The following HNRNPA1 variants were observed in gnomAD, a reference collection of about 807,000 sequenced individuals.
HNRNPA1 encodes heterogeneous nuclear ribonucleoprotein A1.
HNRNPA1 carries 7 observed loss-of-function variants against 44.4 expected under a neutral mutation model. The ratio of observed to expected loss-of-function variants is 0.16; its 90% CI spans 0.09 to 0.30. The LOEUF is 0.30. HNRNPA1 is among the 10% of genes least tolerant of loss of function. HNRNPA1 has a pLI of 1.00. For missense variants in HNRNPA1, 193 were observed against 465.8 expected, an observed-to-expected ratio of 0.41 and a Z score of 5.39; for synonymous variants, 169 against 160.6, an observed-to-expected ratio of 1.05 and a Z score of -0.40.
At position 54,285,294 on chromosome 12, in the gene HNRNPA1, C is replaced by A. The variant is rs1186666516; in HGVS notation, c.*750C>A. On this transcript the variant is annotated 3_prime_UTR_variant, in exon 11 of 11. Transcript: ENST00000340913. The stretch of plus-strand genomic sequence containing the variant: ...TGGGACTGGCAGAGATTTGGACTTT[C>A]CCTACCCACTCCCCCTGATAATAAT... The A allele has an allele frequency of 1.3e-5, 2 of 152,294 alleles. No homozygotes were observed. Among genetic ancestry groups the A allele is most frequent in the East Asian group, 3.8e-4 (2 of 5,206 alleles). 9.4% of individuals were successfully genotyped at this position (152,294 alleles called of 1,614,324 possible). A position where few individuals can be genotyped will look rare whatever the true frequency, so the allele number is the denominator to read the frequency against.
Position 54,285,635 on chromosome 12 carries a change from T to C in HNRNPA1, c.*1091T>C, listed in dbSNP as rs997492302. The C allele has an allele frequency of 1.3e-5, 2 of 152,186 alleles. No individual in the cohort carries two copies. The highest frequency in any genetic ancestry group is 2.9e-5 in the Non-Finnish European group (2 of 68,032). The allele number at this position is 152,186 out of a possible 1,614,324, so 9.4% of individuals were successfully genotyped here. On this transcript the variant is annotated 3_prime_UTR_variant, in exon 11 of 11. Coordinates refer to ENST00000340913, the MANE Select transcript of HNRNPA1 (RefSeq NM_031157.4). ...TTTCATGTTAACTGCAGTTTCCCTT[T>C]ATGGCACAAGGGGTCACACAACCTA... is the stretch of plus-strand genomic sequence containing the variant.
In HNRNPA1 at chr12:54,281,258, C is replaced by T; in HGVS notation, c.16-128C>T. On this transcript the variant is annotated intron_variant, in intron 1 of 10. Coordinates refer to ENST00000340913, the MANE Select transcript of HNRNPA1 (RefSeq NM_031157.4). ...CGGCCTCCCTTGATAGGCAGAAGCA[C>T]GTGTCTTGTTGCGACCTGAACGAAC... 13 of 728,978 alleles carry T rather than the reference C, an allele frequency of 1.8e-5. 1 individual carries two copies. The Middle Eastern group carries it at 1.2e-3, about 69-fold the overall frequency. The allele number at this position is 728,978 out of a possible 1,614,324, so 45.2% of individuals were successfully genotyped here. A position where few individuals can be genotyped will look rare whatever the true frequency, so the allele number is the denominator to read the frequency against.
At chr12:54,284,370 C>A in intron 10 of HNRNPA1, 53 bp downstream of exon 10, 1 of 1,413,732 alleles carries the variant, frequency 7.1e-7, no homozygotes, top group Non-Finnish European at 1.0e-6. Flanking sequence ...TGCTGATGAA[C>A]CCAATAACCC....
rs768062002 is a variant in HNRNPA1 at position 54,284,346 on chromosome 12, A to G, written c.*4+29A>G. ...AGTAAGCACCTTTTTGTGTGTTGAC[A>G]TAATTTTTTAAATTGCTGATGAACC... On this transcript the variant is annotated intron_variant, in intron 10 of 10. Coordinates refer to ENST00000340913, the MANE Select transcript of HNRNPA1 (RefSeq NM_031157.4). 6.3e-6 allele frequency: 10 copies of G among 1,596,506 alleles called. No homozygotes were observed. In the African/African-American group the frequency reaches 1.2e-4, roughly 19 times the overall value.
chr12:54,284,080 C>T (rs1173348001), intron 9 of HNRNPA1, 113 bp downstream of exon 9: 2 of 1,365,896 alleles, frequency 1.5e-6, no homozygotes, highest in Non-Finnish European at 2.0e-6. Context: ...AGTTTAGAAC[C>T]TTCAGAAAGT....
At chr12:54,282,325 G>A in intron 4 of HNRNPA1, 25 bp downstream of exon 4, 7 of 1,611,964 alleles carry the variant, frequency 4.3e-6, no homozygotes, top group Non-Finnish European at 5.9e-6. Flanking sequence ...GTGGCATTTA[G>A]TAAGGGTTCC....
chr12:54,281,241 C>T, intron 1 of HNRNPA1, 145 bp from the exon 2 acceptor site: 1 of 721,398 alleles, frequency 1.4e-6, no homozygotes, highest in Non-Finnish European at 2.5e-6. Flanking sequence ...TACGGCCTCC[C>T]TTGATAGGCA....
In HNRNPA1 at chr12:54,280,781, G is replaced by C. The variant is rs758904671; in HGVS notation, c.-27G>C. The C allele has an allele frequency of 9.9e-6, 16 of 1,613,986 alleles. No homozygotes were observed. Among genetic ancestry groups the C allele is most frequent in the Non-Finnish European group, 1.3e-5 (15 of 1,179,982 alleles). On this transcript the variant is annotated 5_prime_UTR_variant, in exon 1 of 11. Coordinates refer to ENST00000340913, the MANE Select transcript of HNRNPA1 (RefSeq NM_031157.4). ...CCGTGGACGCCGCCGAAGAAGCATC[G>C]TTAAAGTCTCTCTTCACCCTGCCGT... is the stretch of plus-strand genomic sequence containing the variant.
In HNRNPA1 at chr12:54,286,823, C is replaced by T. The variant is rs895262572; in HGVS notation, c.*2279C>T. On this transcript the variant is annotated 3_prime_UTR_variant, in exon 11 of 11. Transcript: ENST00000340913. Reference sequence around the variant, plus strand: ...AGCTGTACCTTAAACCAAAACACTTCGTAATCTCATCCAATTGCAAAAAGA... The same window carrying T: ...AGCTGTACCTTAAACCAAAACACTTTGTAATCTCATCCAATTGCAAAAAGA... 3 of 152,182 alleles carry T rather than the reference C, an allele frequency of 2.0e-5. No homozygotes were observed. Among genetic ancestry groups the T allele is most frequent in the African/African-American group, 4.8e-5 (2 of 41,436 alleles). The allele number at this position is 152,182 out of a possible 1,614,324, so 9.4% of individuals were successfully genotyped here. A position where few individuals can be genotyped will look rare whatever the true frequency, so the allele number is the denominator to read the frequency against.
chr12:54,284,251 T>C lies in HNRNPA1; in HGVS notation c.1064-7T>C, dbSNP rs1565881864. The C allele has an allele frequency of 2.5e-6, 4 of 1,613,044 alleles. No homozygotes were observed. Among genetic ancestry groups the C allele is most frequent in the Non-Finnish European group, 3.4e-6 (4 of 1,179,682 alleles). ...TGAAACTTTAAAAGAAAAATTGTAC[T>C]TTTCAGGTGGCTATGGCGGTTCCAG... On this transcript the variant is annotated splice_polypyrimidine_tract_variant and splice_region_variant and intron_variant, in intron 9 of 10. Coordinates refer to ENST00000340913, the MANE Select transcript of HNRNPA1 (RefSeq NM_031157.4).
At chr12:54,284,152 G>GA in intron 9 of HNRNPA1, 106 bp from the exon 10 acceptor site, 1 of 1,309,434 alleles carries the variant, frequency 7.6e-7, no homozygotes, top group East Asian at 2.4e-5. Context: ...TTGTAGTAGG[G>GA]CCATTTTTAA....
At chr12:54,283,756 T>C in intron 8 of HNRNPA1, 56 bp from the exon 9 acceptor site, 2 of 1,543,816 alleles carry the variant, frequency 1.3e-6, no homozygotes, top group Non-Finnish European at 1.8e-6. Flanking sequence ...CTAAACAGAA[T>C]TGGAAACTAA....
At chr12:54,281,623 A>G in intron 2 of HNRNPA1, 121 bp downstream of exon 2, 2 of 1,011,470 alleles carry the variant, frequency 2.0e-6, no homozygotes, top group Non-Finnish European at 3.0e-6. Flanking sequence ...TTGTTGGCAA[A>G]GGAACGTCCT....
chr12:54,281,950 G>GTT lies in HNRNPA1; in HGVS notation c.279+16_279+17dup. The stretch of plus-strand genomic sequence containing the variant: ...GAGCTGTCTCCAGAGAAGTGAGTGG[G>GTT]TTTTTTTTCTTCTTCTTCTTAAACT... On this transcript the variant is annotated intron_variant, in intron 3 of 10. Transcript: ENST00000340913. The GTT allele has an allele frequency of 6.2e-7, 1 of 1,612,064 alleles. No homozygotes were observed. Among genetic ancestry groups the GTT allele is most frequent in the Non-Finnish European group, 8.5e-7 (1 of 1,179,716 alleles).
intron 4 of HNRNPA1, 44 bp from the exon 5 acceptor site, chr12:54,282,350 A>T: frequency 6.2e-7 from 1 of 1,610,540 alleles, no homozygotes; most frequent in Non-Finnish European, 8.5e-7. Flanking sequence ...TCTGTATGGC[A>T]TTCTAAACCC....
chr12:54,284,062 A>AC, intron 9 of HNRNPA1, 95 bp downstream of exon 9: 1 of 1,449,748 alleles, frequency 6.9e-7, no homozygotes, highest in Non-Finnish European at 9.4e-7. Context: ...GGGCAGCAAA[A>AC]CGTTTATAGT....
At chr12:54,283,359 T>A in intron 8 of HNRNPA1, 125 bp downstream of exon 8, 1 of 1,055,570 alleles carries the variant, frequency 9.5e-7, no homozygotes, top group Non-Finnish European at 1.4e-6. Context: ...ATGGGCTTGC[T>A]ATGCTACCTC....
At chr12:54,281,163 T>G (rs1944157975) in intron 1 of HNRNPA1, 1 of 698,624 alleles carries the variant, frequency 1.4e-6, no homozygotes, top group Non-Finnish European at 2.6e-6. Flanking sequence ...AAGCCTTTGT[T>G]GCGCGTGCGT....
At chr12:54,281,101 G>C in intron 1 of HNRNPA1, 1 of 700,664 alleles carries the variant, frequency 1.4e-6, no homozygotes. Context: ...CTTGGTGAGC[G>C]AGTTTTCTAA....
Sources: gnomAD v4.1 joint callset for allele counts on GRCh38, gnomAD v4.1.1 for gene constraint, MANE v1.5 for transcripts, NCBI Gene and HGNC (gene_info 2026-07-23, HGNC 2026-07-21) for gene names.